Variants in FNDC3A observed in about 807,000 individuals in gnomAD.
FNDC3A encodes the protein fibronectin type III domain containing 3A.
FNDC3A carries 32 observed loss-of-function variants against 148.9 expected under a neutral mutation model. The ratio of observed to expected loss-of-function variants is 0.21; its 90% CI spans 0.16 to 0.29. FNDC3A has a LOEUF of 0.29. FNDC3A is among the 10% of genes least tolerant of loss of function. The pLI, the probability that FNDC3A is intolerant of heterozygous loss-of-function variation, is 1.00. For synonymous variants in FNDC3A, 472 were observed against 473.6 expected (o/e 1.00, Z 0.04); for missense variants, 1,191 against 1,452.8 (o/e 0.82, Z 2.93).
At chr13:49,200,055 C>T (rs1886352983) in intron 23 of FNDC3A, among the ~76,000 whole-genome samples, 1 of 152,154 alleles carries the variant, frequency 6.6e-6, no homozygotes, top group Non-Finnish European at 1.5e-5. Flanking sequence ...TGCCACATAC[C>T]TCCCACAGCT....
At chr13:49,018,815 C>G (rs901741157) in intron 2 of FNDC3A, among the ~76,000 whole-genome samples, 6 of 152,244 alleles carry the variant, frequency 3.9e-5, no homozygotes, top group Non-Finnish European at 8.8e-5. Flanking sequence ...AGTTTTCCTT[C>G]TAACAGACAG....
chr13:49,073,534 C>T (rs915419901), intron 2 of FNDC3A, among the ~76,000 whole-genome samples: 2 of 151,652 alleles, frequency 1.3e-5, no homozygotes, highest in South Asian at 2.1e-4. Flanking sequence ...TGACAGGTTA[C>T]AATCAAAACA....
intron 17 of FNDC3A, among the ~76,000 whole-genome samples, chr13:49,189,582 G>A (rs1422233633): frequency 6.6e-6 from 1 of 151,664 alleles, no homozygotes; most frequent in East Asian, 1.9e-4. Context: ...TGCAATGAAA[G>A]TATTCTTTTT....
rs143491807 is a variant in FNDC3A, at chr13:49,199,990, A to C, written c.2987+1416A>C. ...AGTGTTAACTCTGAATATTTGTAAC[A>C]GTCATTCTAATGCCAACTAGGGCTA... On this transcript the variant is annotated intron_variant, in intron 23 of 25. Coordinates refer to ENST00000492622, the MANE Select transcript of FNDC3A (RefSeq NM_001079673.2). 3.7e-3 allele frequency among the ~76,000 whole-genome samples: 568 copies of C among 152,332 alleles called. 2 individuals carry two copies. Among genetic ancestry groups the C allele is most frequent in the African/African-American group, 0.013 (543 of 41,580 alleles).
intron 3 of FNDC3A, among the ~76,000 whole-genome samples, chr13:49,082,268 C>T (rs1022136523): frequency 6.6e-6 from 1 of 151,980 alleles, no homozygotes; most frequent in Admixed American, 6.5e-5. Flanking sequence ...AACCTGTAAT[C>T]CCAGCTATTC....
rs148751764 is a variant in FNDC3A at position 49,019,444 on chromosome 13, C to G, written c.99+13155C>G. Among the ~76,000 whole-genome samples the G allele has an allele frequency of 7.6e-3, 1,165 of 152,340 alleles. 20 individuals are homozygous for G. The highest frequency in any genetic ancestry group is 0.027 in the African/African-American group (1,106 of 41,580). On this transcript the variant is annotated intron_variant, in intron 2 of 25. Transcript: ENST00000492622. ...CTTGTGCTTCCGGAGTGAGGCAATG[C>G]CTCGCCCTGCTTCGGCTCACGCAGG...
intron 1 of FNDC3A, among the ~76,000 whole-genome samples, chr13:48,982,019 A>G (rs891542459): frequency 6.6e-6 from 1 of 152,152 alleles, no homozygotes; most frequent in Non-Finnish European, 1.5e-5. Flanking sequence ...TTACTTCTCT[A>G]GGGGTTCTAA....
chr13:48,982,112 C>T (rs1951704026), intron 1 of FNDC3A, among the ~76,000 whole-genome samples: 1 of 152,004 alleles, frequency 6.6e-6, no homozygotes, highest in East Asian at 1.9e-4. Context: ...GAAGTATATG[C>T]CATATACAGC....
intron 3 of FNDC3A, among the ~76,000 whole-genome samples, chr13:49,081,992 TAAA>T (rs371679298): frequency 0.015 from 2,297 of 148,250 alleles, 61 homozygotes; most frequent in African/African-American, 0.053. Context: ...TTAACAAAAA[TAAA>T]AACATGTTTA....
chr13:48,976,113 A>T lies in FNDC3A; in HGVS notation c.-104A>T, dbSNP rs1047231124. The T allele has an allele frequency of 3.9e-5, 6 of 152,162 alleles. No individual in the cohort carries two copies. Among genetic ancestry groups the T allele is most frequent in the Non-Finnish European group, 5.9e-5 (4 of 68,096 alleles). The allele number at this position is 152,162 out of a possible 1,614,324, so 9.4% of individuals were successfully genotyped here. On this transcript the variant is annotated 5_prime_UTR_variant, in exon 1 of 26. Coordinates refer to ENST00000492622, the MANE Select transcript of FNDC3A (RefSeq NM_001079673.2). The stretch of plus-strand genomic sequence containing the variant: ...CTGCAGCTGAGGTAGAGAGACAACG[A>T]TCAGGAACCCTAAGAAGAGGCGCCA...
intron 3 of FNDC3A, among the ~76,000 whole-genome samples, chr13:49,113,287 TC>T (rs1880700279): frequency 1.5e-5 from 2 of 132,018 alleles, no homozygotes; most frequent in South Asian, 5.6e-4. Context: ...TTCCCCACTT[TC>T]CTTACCCCTG....
chr13:48,999,968 G>C (rs1169236470), intron 1 of FNDC3A, among the ~76,000 whole-genome samples: 1 of 152,044 alleles, frequency 6.6e-6, no homozygotes, highest in Non-Finnish European at 1.5e-5. Context: ...ACACTTTTGT[G>C]GTTTTTTTTA....
chr13:49,144,817 A>G (rs1882899817), intron 7 of FNDC3A, among the ~76,000 whole-genome samples: 1 of 152,206 alleles, frequency 6.6e-6, no homozygotes, highest in African/African-American at 2.4e-5. Context: ...ACAGTTTTAT[A>G]AAAGCTAACT....
At chr13:48,988,883 T>G (rs1193449885) in intron 1 of FNDC3A, among the ~76,000 whole-genome samples, 2 of 151,686 alleles carry the variant, frequency 1.3e-5, no homozygotes, top group Non-Finnish European at 2.9e-5. Context: ...TTATAGTAAT[T>G]TATAAGTTAA....
intron 1 of FNDC3A, among the ~76,000 whole-genome samples, chr13:48,986,394 T>TTG (rs1555274134): frequency 1.8e-5 from 2 of 110,800 alleles, no homozygotes; most frequent in Non-Finnish European, 3.8e-5. Flanking sequence ...TGTTTTTTTT[T>TTG]TTTTTTTTTT....
At chr13:49,061,316 T>TCC (rs1876676632) in intron 2 of FNDC3A, among the ~76,000 whole-genome samples, 1 of 108,090 alleles carries the variant, frequency 9.3e-6, no homozygotes, top group Non-Finnish European at 1.9e-5. Context: ...TTCCCTCTCT[T>TCC]CTCTTCCCTT....
chr13:49,032,455 A>T (rs985721726), intron 2 of FNDC3A, among the ~76,000 whole-genome samples: 9 of 152,244 alleles, frequency 5.9e-5, no homozygotes, highest in Non-Finnish European at 1.2e-4. Context: ...GTAAACTGGA[A>T]TGAAGCACTT....
intron 4 of FNDC3A, among the ~76,000 whole-genome samples, chr13:49,119,837 A>G (rs1593616317): frequency 6.6e-6 from 1 of 152,160 alleles, no homozygotes; most frequent in African/African-American, 2.4e-5. Flanking sequence ...ATATGGGACT[A>G]TGTGAAAAGT....
At position 49,043,499 on chromosome 13, in the gene FNDC3A, T is replaced by C. The variant is rs556270408; in HGVS notation, c.100-31790T>C. ...CCATTTAGGTCAAACTAATTGATAA[T>C]GTTGTTCTGATATTCTGTATCCTTT... On this transcript the variant is annotated intron_variant, in intron 2 of 25. Transcript: ENST00000492622. Among the ~76,000 whole-genome samples the C allele has an allele frequency of 1.1e-3, 162 of 152,304 alleles. 4 individuals carry two copies. The highest frequency in any genetic ancestry group is 6.3e-4 in the Non-Finnish European group (43 of 68,030).
Sources: allele counts gnomAD v4.1 joint callset (sites outside exome capture counted in the v4.1 genomes callset), GRCh38; gene constraint gnomAD v4.1.1; transcripts MANE v1.5; gene names NCBI Gene and HGNC (gene_info 2026-07-23, HGNC 2026-07-21).